HFM1: variants seen among roughly 807,000 people sequenced by gnomAD.
The protein encoded by HFM1 is helicase for meiosis 1.
A neutral mutation model predicts 192.1 loss-of-function variants in HFM1; 169 were observed. That is an observed-to-expected ratio of 0.88 (90% CI 0.78 to 1.00). The LOEUF is 1.00. Among genes scored for constraint, HFM1 ranks in the 50% least tolerant of loss-of-function variants. The probability of loss-of-function intolerance (pLI) is 0.00; values close to 1 mark genes in which losing one functional copy is unlikely to be tolerated. For missense variants in HFM1, 1,661 were observed against 1,668.0 expected, an observed-to-expected ratio of 1.00 and a Z score of 0.07; for synonymous variants, 525 against 537.8, an observed-to-expected ratio of 0.98 and a Z score of 0.33.
intron 30 of HFM1, among the ~76,000 whole-genome samples, chr1:91,290,728 C>A (rs1668648255): frequency 6.6e-6 from 1 of 152,090 alleles, no homozygotes; most frequent in South Asian, 2.1e-4. Context: ...AACTCTCCAC[C>A]CCAAATCAAC....
At chr1:91,407,656 G>A (rs1664854736), upstream of HFM1, among the ~76,000 whole-genome samples, 1 of 152,074 alleles carries the variant, frequency 6.6e-6, no homozygotes, top group Non-Finnish European at 1.5e-5. Context: ...CCTGGCTAAG[G>A]GACATTTGAG....
intron 11 of HFM1, among the ~76,000 whole-genome samples, chr1:91,376,479 C>T (rs1660921390): frequency 6.6e-6 from 1 of 151,892 alleles, no homozygotes; most frequent in South Asian, 2.1e-4. Context: ...ACAAAAGAGA[C>T]AGAAACAGCA....
intron 32 of HFM1, among the ~76,000 whole-genome samples, chr1:91,276,205 T>C (rs1557763375): frequency 6.6e-6 from 1 of 152,176 alleles, no homozygotes; most frequent in Non-Finnish European, 1.5e-5. Flanking sequence ...TCACATCTAT[T>C]AGGAATCCTT....
chr1:91,339,690 A>C (rs991180752), intron 20 of HFM1, among the ~76,000 whole-genome samples: 3 of 152,094 alleles, frequency 2.0e-5, no homozygotes, highest in African/African-American at 7.2e-5. Context: ...CCTGAAAGAG[A>C]GGGAGAGAGA....
chr1:91,375,184 C>A (rs934154855), intron 13 of HFM1, among the ~76,000 whole-genome samples, 174 bp downstream of exon 13: 12 of 152,036 alleles, frequency 7.9e-5, no homozygotes, highest in African/African-American at 2.9e-4. Flanking sequence ...ATCTGGATCA[C>A]CCCTGTACGA....
At chr1:91,335,924 T>A (rs1406933394) in intron 20 of HFM1, among the ~76,000 whole-genome samples, 2 of 152,022 alleles carry the variant, frequency 1.3e-5, no homozygotes, top group African/African-American at 2.4e-5. Context: ...TTGCCAAATG[T>A]TCTTAGGATT....
intron 4 of HFM1, among the ~76,000 whole-genome samples, chr1:91,393,433 C>T (rs550463414): frequency 6.6e-6 from 1 of 152,252 alleles, no homozygotes; most frequent in South Asian, 2.1e-4. Context: ...TACTCATCAC[C>T]TTCCCCCGAA....
chr1:91,296,908 C>A (rs1371570817), intron 30 of HFM1, among the ~76,000 whole-genome samples: 1 of 152,144 alleles, frequency 6.6e-6, no homozygotes, highest in Non-Finnish European at 1.5e-5. Context: ...ACTGAGGTAC[C>A]GGGTTCATCT....
Position 91,394,290 on chromosome 1 carries a change from A to G in HFM1, c.297T>C (p.Tyr99=), listed in dbSNP as rs1301941750. The part of the protein sequence containing the change: ...KFQFAFPSDK[Y]EQDDLNLEGV... ...CTTCTAAATTTAGATCATCCTGTTC[A>G]TATTTATCAGAAGGAAAGGCAAACT... The change falls in exon 4 of 39, where the codon TAT becomes TAC. Residue 99 remains tyrosine, a synonymous_variant. Coordinates refer to ENST00000370425, the MANE Select transcript of HFM1 (RefSeq NM_001017975.6). 1 of 1,593,150 alleles carries G rather than the reference A, an allele frequency of 6.3e-7. No individual in the cohort carries two copies. Among genetic ancestry groups the G allele is most frequent in the African/African-American group, 1.3e-5 (1 of 74,634 alleles).
rs538314792 is a variant in HFM1 at position 91,299,292 on chromosome 1, T to G, written c.3391+14057A>C. 5.5e-3 allele frequency among the ~76,000 whole-genome samples: 837 copies of G among 152,204 alleles called. 5 individuals carry two copies. Among genetic ancestry groups the G allele is most frequent in the African/African-American group, 0.019 (791 of 41,546 alleles). On this transcript the variant is annotated intron_variant, in intron 30 of 38. Coordinates refer to ENST00000370425, the MANE Select transcript of HFM1 (RefSeq NM_001017975.6). ...CACCCAGATTCATAAAGCAAGTCCT[T>G]AGAGACCTACAAAGAGACTTAGACT... is the stretch of plus-strand genomic sequence containing the variant.
intron 20 of HFM1, among the ~76,000 whole-genome samples, chr1:91,341,799 T>G (rs1228673835): frequency 6.8e-6 from 1 of 147,366 alleles, no homozygotes; most frequent in Non-Finnish European, 1.5e-5. Context: ...ACCCAGAAAC[T>G]GTTATGAACA....
chr1:91,267,636 A>G, intron 35 of HFM1, 109 bp downstream of exon 35: 1 of 570,456 alleles, frequency 1.8e-6, no homozygotes. Context: ...ACCAAATCTA[A>G]CTAAACAAGC....
chr1:91,293,798 C>T (rs1429018627), intron 30 of HFM1, among the ~76,000 whole-genome samples: 1 of 146,714 alleles, frequency 6.8e-6, no homozygotes, highest in African/African-American at 2.5e-5. Flanking sequence ...TGGAACCAAC[C>T]CAAATGTCCA....
chr1:91,348,782 G>C (rs1014460149), intron 18 of HFM1, among the ~76,000 whole-genome samples: 16 of 152,082 alleles, frequency 1.1e-4, no homozygotes, highest in African/African-American at 3.9e-4. Flanking sequence ...AAGTTAGCCA[G>C]GTGTGCTGGC....
intron 1 of HFM1, among the ~76,000 whole-genome samples, chr1:91,404,002 T>C (rs1027085683): frequency 1.3e-5 from 2 of 152,190 alleles, no homozygotes; most frequent in African/African-American, 4.8e-5. Context: ...CAGATAAAAA[T>C]TATTGATTTG....
At position 91,334,203 on chromosome 1, in the gene HFM1, A is replaced by G. The variant is rs141141888; in HGVS notation, c.2335+9227T>C. Among the ~76,000 whole-genome samples, 285 of 152,278 alleles carry G rather than the reference A, an allele frequency of 1.9e-3. 1 individual carries two copies. The highest frequency in any genetic ancestry group is 6.2e-3 in the African/African-American group (259 of 41,560). ...TCCTGATCAGACTGAGTTGATTAGA[A>G]TCGCTGCTCCTCCTCTTATTGGGTA... On this transcript the variant is annotated intron_variant, in intron 20 of 38. Transcript: ENST00000370425.
rs1249876175 is a variant in HFM1, at chr1:91,316,091, A to G, written c.2982+10T>C. 1 of 1,543,002 alleles carries G rather than the reference A, an allele frequency of 6.5e-7. No homozygotes were observed. The highest frequency in any genetic ancestry group is 2.3e-5 in the East Asian group (1 of 44,418). ...GACAATAAAATATCTAAGAAACAGA[A>G]AATATTTACCTGTTCCACTTTAAGT... On this transcript the variant is annotated intron_variant, in intron 27 of 38. Coordinates refer to ENST00000370425, the MANE Select transcript of HFM1 (RefSeq NM_001017975.6).
rs551439187 is a variant in HFM1, at chr1:91,264,237, A to G, written c.3975-1645T>C. On this transcript the variant is annotated intron_variant, in intron 36 of 38. Coordinates refer to ENST00000370425, the MANE Select transcript of HFM1 (RefSeq NM_001017975.6). ...TCAAAGATCCAGTGAGAGGGAGACT[A>G]AACAATACCAAAGTCGCCCCTAGCT... is the stretch of plus-strand genomic sequence containing the variant. Among the ~76,000 whole-genome samples, 19 of 152,200 alleles carry G rather than the reference A, an allele frequency of 1.2e-4. 1 individual carries two copies. The highest frequency in any genetic ancestry group is 1.2e-3 in the Admixed American group (19 of 15,278).
intron 30 of HFM1, among the ~76,000 whole-genome samples, chr1:91,293,193 A>G (rs1312819291): frequency 2.0e-5 from 3 of 152,172 alleles, no homozygotes; most frequent in African/African-American, 7.2e-5. Flanking sequence ...AAAAGCCAAA[A>G]TTGACAAATG....
Sources: allele counts gnomAD v4.1 joint callset (sites outside exome capture counted in the v4.1 genomes callset), GRCh38; gene constraint gnomAD v4.1.1; transcripts MANE v1.5; gene names NCBI Gene and HGNC (gene_info 2026-07-23, HGNC 2026-07-21).